Variants in ABCC4 observed in about 807,000 individuals in gnomAD.
ABCC4 encodes ATP-binding cassette sub-family C member 4.
A neutral mutation model predicts 168.5 loss-of-function variants in ABCC4; 102 were observed. The ratio of observed to expected loss-of-function variants is 0.61; its 90% CI spans 0.52 to 0.71. The LOEUF is 0.71. Among genes scored for constraint, ABCC4 ranks in the 30% least tolerant of loss-of-function variants. The pLI is 0.00. For missense variants in ABCC4, 1,402 were observed against 1,605.8 expected, an observed-to-expected ratio of 0.87 and a Z score of 2.17; for synonymous variants, 617 against 590.7, an observed-to-expected ratio of 1.04 and a Z score of -0.65.
At position 95,233,362 on chromosome 13, in the gene ABCC4, G is replaced by A. The variant is rs374872236; in HGVS notation, c.531+1248C>T. Among the ~76,000 whole-genome samples, 17 of 148,852 alleles carry A rather than the reference G, an allele frequency of 1.1e-4. No individual in the cohort carries two copies. In the East Asian group the frequency reaches 2.9e-3, roughly 25 times the overall value. ...TGTCCTTTGCAGCCACGTGGATGCA[G>A]CTGGAGACCATTATCCTAAGCGAAT... On this transcript the variant is annotated intron_variant, in intron 4 of 30. Coordinates refer to ENST00000645237, the MANE Select transcript of ABCC4 (RefSeq NM_005845.5).
At chr13:95,029,943 GC>G (rs2031784964) in intron 30 of ABCC4, among the ~76,000 whole-genome samples, 1 of 151,948 alleles carries the variant, frequency 6.6e-6, no homozygotes, top group Non-Finnish European at 1.5e-5. Flanking sequence ...ATTCAAACAG[GC>G]CCCAGGCTCC....
chr13:95,251,230 T>C (rs1414046935), intron 1 of ABCC4, among the ~76,000 whole-genome samples: 1 of 152,184 alleles, frequency 6.6e-6, no homozygotes, highest in African/African-American at 2.4e-5. Flanking sequence ...AGCTAACTTA[T>C]CTTTGGTAAA....
At chr13:95,143,121 A>G (rs946398496) in intron 19 of ABCC4, among the ~76,000 whole-genome samples, 1 of 152,170 alleles carries the variant, frequency 6.6e-6, no homozygotes, top group African/African-American at 2.4e-5. Context: ...TCTGAGCCCA[A>G]GCCAGGTTTG....
chr13:95,033,095 G>A (rs1218040583), intron 30 of ABCC4, among the ~76,000 whole-genome samples: 1 of 151,050 alleles, frequency 6.6e-6, no homozygotes, highest in African/African-American at 2.4e-5. Flanking sequence ...TCAGTCTCCC[G>A]AGTAGCTGGG....
intron 7 of ABCC4, 119 bp downstream of exon 7, chr13:95,207,681 T>C (rs777572566): frequency 9.5e-6 from 10 of 1,052,468 alleles, no homozygotes; most frequent in South Asian, 1.6e-5. Context: ...GCGTGGGGAC[T>C]GGGATGGATT....
At chr13:95,151,551 G>GAGGAGGAGGAGAAGGAGAAGA (rs1464414377) in intron 19 of ABCC4, among the ~76,000 whole-genome samples, 57 of 147,704 alleles carry the variant, frequency 3.9e-4, no homozygotes, top group Middle Eastern at 7.1e-3. Context: ...AAGGAAGGAG[G>GAGGAGGAGGAGAAGGAGAAGA]AGGAGGAGGA....
chr13:95,295,117 G>A (rs1339772040), intron 1 of ABCC4, among the ~76,000 whole-genome samples: 1 of 152,114 alleles, frequency 6.6e-6, no homozygotes, highest in Non-Finnish European at 1.5e-5. Context: ...CCTGAGAAAC[G>A]TGGCTCCCAA....
At chr13:95,213,600 C>T (rs1361880494) in intron 4 of ABCC4, among the ~76,000 whole-genome samples, 1 of 134,474 alleles carries the variant, frequency 7.4e-6, no homozygotes, top group Non-Finnish European at 1.6e-5. Flanking sequence ...TAGGAGATGC[C>T]GCCCGAGGAG....
chr13:95,218,475 C>T (rs907242611), intron 4 of ABCC4, among the ~76,000 whole-genome samples: 21 of 152,158 alleles, frequency 1.4e-4, no homozygotes, highest in African/African-American at 4.6e-4. Flanking sequence ...TATAATCTGA[C>T]AGTTTCACTG....
At chr13:95,153,318 T>G (rs146536081) in intron 19 of ABCC4, among the ~76,000 whole-genome samples, 1 of 152,204 alleles carries the variant, frequency 6.6e-6, no homozygotes, top group Non-Finnish European at 1.5e-5. Context: ...TATTGGGATA[T>G]GCTACAAAGC....
rs192310285 is a variant in ABCC4 at position 95,134,651 on chromosome 13, C to T, written c.2456-18650G>A. ...AGGAGAATCACTTGAACCCAAGAGG[C>T]GGAGGTTGCAGTGAGCCAAGATCAC... is the stretch of plus-strand genomic sequence containing the variant. On this transcript the variant is annotated intron_variant, in intron 19 of 30. Transcript: ENST00000645237. 1.2e-3 allele frequency among the ~76,000 whole-genome samples: 190 copies of T among 152,066 alleles called. 1 individual carries two copies. The highest frequency in any genetic ancestry group is 4.3e-3 in the African/African-American group (179 of 41,478).
chr13:95,199,595 C>T (rs2038564908), intron 8 of ABCC4, among the ~76,000 whole-genome samples: 1 of 152,150 alleles, frequency 6.6e-6, no homozygotes, highest in Non-Finnish European at 1.5e-5. Flanking sequence ...AATCCCTCCT[C>T]TTGCCCCACA....
chr13:95,038,819 T>C (rs187734163), intron 29 of ABCC4, among the ~76,000 whole-genome samples: 1 of 151,928 alleles, frequency 6.6e-6, no homozygotes, highest in Non-Finnish European at 1.5e-5. Flanking sequence ...GACCACAGAG[T>C]GAGATCCAGC....
At chr13:95,110,535 T>G (rs2035168264) in intron 20 of ABCC4, among the ~76,000 whole-genome samples, 1 of 152,158 alleles carries the variant, frequency 6.6e-6, no homozygotes, top group Admixed American at 6.5e-5. Context: ...TCATTAATAT[T>G]AAATTTCTAA....
At chr13:95,283,369 T>G (rs1207110343) in intron 1 of ABCC4, among the ~76,000 whole-genome samples, 1 of 69,876 alleles carries the variant, frequency 1.4e-5, no homozygotes, top group East Asian at 4.4e-4. Context: ...TGGTTTTTTT[T>G]TTTTTTTTTT....
chr13:95,270,867 G>A (rs1388241367), intron 1 of ABCC4, among the ~76,000 whole-genome samples: 1 of 152,116 alleles, frequency 6.6e-6, no homozygotes, highest in Non-Finnish European at 1.5e-5. Context: ...AGGCCGAGGC[G>A]AGACGATTAT....
chr13:95,280,963 GGGA>G (rs2041105729), intron 1 of ABCC4, among the ~76,000 whole-genome samples: 1 of 151,950 alleles, frequency 6.6e-6, no homozygotes, highest in South Asian at 2.1e-4. Context: ...ATTTTAAAGG[GGGA>G]GAAGGAAGAG....
intron 19 of ABCC4, among the ~76,000 whole-genome samples, chr13:95,155,210 TTC>T (rs2036815880): frequency 6.6e-6 from 1 of 151,208 alleles, no homozygotes; most frequent in Non-Finnish European, 1.5e-5. Context: ...GAAGGAATCA[TTC>T]TTTTTTTTTT....
intron 14 of ABCC4, among the ~76,000 whole-genome samples, chr13:95,167,598 A>G (rs920766987): frequency 6.6e-6 from 1 of 152,350 alleles, no homozygotes; most frequent in Middle Eastern, 3.4e-3. Flanking sequence ...AAAATGCTTC[A>G]TGATACATTG....
Sources: allele counts gnomAD v4.1 joint callset (sites outside exome capture counted in the v4.1 genomes callset), GRCh38; gene constraint gnomAD v4.1.1; transcripts MANE v1.5; gene names NCBI Gene and HGNC (gene_info 2026-07-23, HGNC 2026-07-21).